The following MKLN1 variants were observed in gnomAD, a reference collection of about 807,000 sequenced individuals.
MKLN1 encodes the protein muskelin 1.
In MKLN1, 18 loss-of-function variants were observed where a neutral mutation model predicts 99.0. The observed-to-expected ratio is 0.18, with a 90% CI of 0.13 to 0.27. The LOEUF (loss-of-function observed/expected upper bound fraction) is 0.27, where lower values mean the gene tolerates loss of function less well. MKLN1 is among the 10% of genes least tolerant of loss of function. The pLI, the probability that MKLN1 is intolerant of heterozygous loss-of-function variation, is 1.00. For synonymous variants in MKLN1, 288 were observed against 293.2 expected, an observed-to-expected ratio of 0.98 and a Z score of 0.18; for missense variants, 621 against 875.9, an observed-to-expected ratio of 0.71 and a Z score of 3.67.
chr7:131,444,766 T>TAGA (rs1186578770), intron 11 of MKLN1, among the ~76,000 whole-genome samples: 605 of 25,752 alleles, frequency 0.023, 2 homozygotes, highest in Middle Eastern at 0.097. Flanking sequence ...GTAGAAGAAG[T>TAGA]AGTAGTAGTA....
At chr7:131,314,787 A>T (rs1290158023) in intron 3 of MKLN1, among the ~76,000 whole-genome samples, 1 of 152,124 alleles carries the variant, frequency 6.6e-6, no homozygotes, top group Non-Finnish European at 1.5e-5. Flanking sequence ...ATAAAAAAAT[A>T]GAAACAGGGT....
At chr7:131,257,373 C>G (rs1021948671) in intron 3 of MKLN1, among the ~76,000 whole-genome samples, 3 of 152,020 alleles carry the variant, frequency 2.0e-5, no homozygotes, top group African/African-American at 7.3e-5. Context: ...ACAATAGGTC[C>G]AAGAAGAAAT....
At chr7:131,192,209 A>C (rs1303172010) in intron 2 of MKLN1, among the ~76,000 whole-genome samples, 1 of 69,440 alleles carries the variant, frequency 1.4e-5, no homozygotes, top group Non-Finnish European at 2.6e-5. Flanking sequence ...TATACAATAT[A>C]TAAATATATA....
chr7:131,319,604 G>A (rs1436296423), intron 3 of MKLN1, among the ~76,000 whole-genome samples: 6 of 152,138 alleles, frequency 3.9e-5, no homozygotes, highest in Admixed American at 6.5e-5. Context: ...GGGCACTCAG[G>A]CAAGAGAAAG....
intron 6 of MKLN1, among the ~76,000 whole-genome samples, chr7:131,402,883 G>A (rs1264675545): frequency 6.6e-6 from 1 of 152,098 alleles, no homozygotes; most frequent in African/African-American, 2.4e-5. Context: ...TCCATTTGTA[G>A]AGCACAGGCA....
At chr7:131,320,421 A>T (rs1234010953) in intron 3 of MKLN1, among the ~76,000 whole-genome samples, 1 of 152,222 alleles carries the variant, frequency 6.6e-6, no homozygotes, top group African/African-American at 2.4e-5. Context: ...CTTATACAAA[A>T]ATTAACTCAA....
At chr7:131,189,546 AC>A (rs1294896108) in intron 2 of MKLN1, among the ~76,000 whole-genome samples, 700 of 65,458 alleles carry the variant, frequency 0.011, 5 homozygotes, top group African/African-American at 0.033. Context: ...AAAAAAAAAA[AC>A]ACAAAACTCC....
At chr7:131,340,875 T>G (rs745773614) in intron 1 of MKLN1, among the ~76,000 whole-genome samples, 26 of 152,186 alleles carry the variant, frequency 1.7e-4, no homozygotes, top group Non-Finnish European at 3.7e-4. Context: ...TCTGAGAGTG[T>G]CTTAAGTGAA....
In MKLN1 at chr7:131,429,105, A is replaced by G; in HGVS notation, c.920A>G (p.Glu307Gly). 1 of 1,613,830 alleles carries G rather than the reference A, an allele frequency of 6.2e-7. No homozygotes were observed. The highest frequency in any genetic ancestry group is 8.5e-7 in the Non-Finnish European group (1 of 1,179,806). The change falls in exon 9 of 18, where the codon GAG becomes GGG. Residue 307 changes from glutamate to glycine, a missense_variant. Physicochemically the swap from Glu to Gly is moderately conservative, Grantham distance 98. Around this residue, in one of 8 missense-constraint regions of MKLN1, gnomAD observed 361 missense variants for 540.8 expected, o/e 0.67. Transcript: ENST00000352689. ...GACTTCTGGGCGTACAGTGTGAAGG[A>G]GAACCAGTGGACATGTATCTCTAGA... ...LADFWAYSVK[E>G]NQWTCISRDT...
At chr7:131,459,047 C>T (rs562463251) in intron 12 of MKLN1, among the ~76,000 whole-genome samples, 3 of 152,218 alleles carry the variant, frequency 2.0e-5, no homozygotes, top group South Asian at 4.2e-4. Flanking sequence ...CCCAAAGATA[C>T]GGGGAAAACT....
At chr7:131,230,236 G>A (rs956861877) in intron 3 of MKLN1, among the ~76,000 whole-genome samples, 6 of 152,088 alleles carry the variant, frequency 3.9e-5, no homozygotes, top group African/African-American at 1.4e-4. Context: ...GGTCAGTTGT[G>A]CCCAAATCCA....
At chr7:131,268,836 A>G (rs1378794106) in intron 3 of MKLN1, among the ~76,000 whole-genome samples, 2 of 152,214 alleles carry the variant, frequency 1.3e-5, no homozygotes, top group African/African-American at 2.4e-5. Flanking sequence ...AAAGATGTGG[A>G]AAATAAATAT....
At chr7:131,315,127 C>T (rs1181681919) in intron 3 of MKLN1, among the ~76,000 whole-genome samples, 1 of 152,002 alleles carries the variant, frequency 6.6e-6, no homozygotes, top group Non-Finnish European at 1.5e-5. Context: ...CGAGAAGGGG[C>T]CAAGATGGCC....
intron 4 of MKLN1, among the ~76,000 whole-genome samples, chr7:131,395,511 A>G (rs1404200253): frequency 1.6e-5 from 2 of 121,744 alleles, no homozygotes; most frequent in African/African-American, 6.8e-5. Flanking sequence ...CTGCCAGTGT[A>G]TGGTGGTGAG....
intron 16 of MKLN1, among the ~76,000 whole-genome samples, chr7:131,472,592 GTA>G (rs1316369237): frequency 1.3e-4 from 5 of 39,848 alleles, no homozygotes; most frequent in Admixed American, 4.0e-4. Flanking sequence ...GTTGAAGTGT[GTA>G]TGTGTGTGTG....
chr7:131,233,991 T>A (rs1357173290), intron 3 of MKLN1, among the ~76,000 whole-genome samples: 1 of 152,192 alleles, frequency 6.6e-6, no homozygotes, highest in Non-Finnish European at 1.5e-5. Flanking sequence ...TTTATTTTAT[T>A]TTTTTGAGAT....
intron 2 of MKLN1, among the ~76,000 whole-genome samples, chr7:131,148,075 G>C (rs773210215): frequency 6.6e-5 from 10 of 152,142 alleles, no homozygotes; most frequent in Non-Finnish European, 1.2e-4. Context: ...TTGAGACAGA[G>C]TTTCGCTCTG....
chr7:131,472,818 G>A (rs1796858122), intron 16 of MKLN1, among the ~76,000 whole-genome samples: 1 of 152,032 alleles, frequency 6.6e-6, no homozygotes, highest in African/African-American at 2.4e-5. Flanking sequence ...AGGCTTGGTA[G>A]TGGGCTCCTG....
Position 131,470,827 on chromosome 7 carries a change from G to T in MKLN1, c.1929-15G>T. ...CTCATAACTCCAGATAATTATCCTTGTGTACATTTTCTAGGTTTGAAGAAA... is the reference window on the plus strand; with the variant it reads ...CTCATAACTCCAGATAATTATCCTTTTGTACATTTTCTAGGTTTGAAGAAA... On this transcript the variant is annotated splice_polypyrimidine_tract_variant and intron_variant, in intron 15 of 17. Transcript: ENST00000352689. The T allele has an allele frequency of 6.7e-7, 1 of 1,485,294 alleles. No individual in the cohort carries two copies. Among genetic ancestry groups the T allele is most frequent in the Non-Finnish European group, 9.4e-7 (1 of 1,064,104 alleles). The allele number at this position is 1,485,294 out of a possible 1,614,324, so 92.0% of individuals were successfully genotyped here.
Sources: gnomAD v4.1 joint callset for allele counts (sites outside exome capture counted in the v4.1 genomes callset) on GRCh38, gnomAD v4.1.1 for gene constraint, gnomAD v4.1.1 regional missense constraint, MANE v1.5 for transcripts, NCBI Gene and HGNC (gene_info 2026-07-23, HGNC 2026-07-21) for gene names.